Variants in MYT1L observed in about 807,000 individuals in gnomAD.
The protein encoded by MYT1L is myelin transcription factor 1-like protein.
A neutral mutation model predicts 126.7 loss-of-function variants in MYT1L; 12 were observed. That is an observed-to-expected ratio of 0.09 (90% CI 0.06 to 0.15). The LOEUF (loss-of-function observed/expected upper bound fraction) is 0.15, where lower values mean the gene tolerates loss of function less well. MYT1L is among the 10% of genes least tolerant of loss of function. The pLI, the probability that MYT1L is intolerant of heterozygous loss-of-function variation, is 1.00. For missense variants in MYT1L, 979 were observed against 1,585.2 expected, an observed-to-expected ratio of 0.62 and a Z score of 6.49; for synonymous variants, 541 against 604.2, an observed-to-expected ratio of 0.90 and a Z score of 1.53.
At chr2:2,320,940 A>T (rs1404525381) in intron 1 of MYT1L, among the ~76,000 whole-genome samples, 1 of 152,212 alleles carries the variant, frequency 6.6e-6, no homozygotes, top group African/African-American at 2.4e-5. Context: ...GACAACAAAC[A>T]GCTGGATGGA....
At chr2:2,073,026 CAGA>C (rs1574986636) in intron 3 of MYT1L, among the ~76,000 whole-genome samples, 1 of 152,150 alleles carries the variant, frequency 6.6e-6, no homozygotes, top group Non-Finnish European at 1.5e-5. Context: ...CTTCACACAA[CAGA>C]AGGAGGGAGG....
At chr2:1,879,164 CAAG>C (rs1285628475) in intron 18 of MYT1L, among the ~76,000 whole-genome samples, 1 of 152,158 alleles carries the variant, frequency 6.6e-6, no homozygotes, top group Non-Finnish European at 1.5e-5. Flanking sequence ...GCCTTTCACT[CAAG>C]AAAGCGCCTG....
At chr2:1,891,607 G>A (rs1014249723) in intron 15 of MYT1L, among the ~76,000 whole-genome samples, 3 of 152,172 alleles carry the variant, frequency 2.0e-5, no homozygotes, top group East Asian at 1.9e-4. Context: ...TGCTACCCAG[G>A]AGTCCATAGG....
At chr2:2,162,397 A>T (rs1365173838) in intron 3 of MYT1L, among the ~76,000 whole-genome samples, 1 of 151,758 alleles carries the variant, frequency 6.6e-6, no homozygotes, top group Non-Finnish European at 1.5e-5. Context: ...GTCCACAGAG[A>T]AGGAGGTCGG....
intron 3 of MYT1L, among the ~76,000 whole-genome samples, chr2:2,129,281 G>C (rs946120485): frequency 4.6e-5 from 7 of 152,140 alleles, no homozygotes; most frequent in Non-Finnish European, 8.8e-5. Flanking sequence ...AAAATTTGAA[G>C]ATCACTTGGA....
chr2:2,296,387 T>A (rs2095694219), intron 1 of MYT1L, among the ~76,000 whole-genome samples: 1 of 152,110 alleles, frequency 6.6e-6, no homozygotes, highest in Non-Finnish European at 1.5e-5. Flanking sequence ...AGAGAAAAAA[T>A]GTGATTCACA....
At chr2:2,280,403 T>G (rs1308951362) in intron 2 of MYT1L, among the ~76,000 whole-genome samples, 1 of 152,176 alleles carries the variant, frequency 6.6e-6, no homozygotes, top group African/African-American at 2.4e-5. Flanking sequence ...GTGAACCAAC[T>G]CCAAGAAACT....
intron 1 of MYT1L, among the ~76,000 whole-genome samples, chr2:2,322,286 G>T (rs1411395071): frequency 1.3e-5 from 2 of 151,748 alleles, no homozygotes; most frequent in Admixed American, 6.6e-5. Context: ...CCTACACAGG[G>T]TACTTAAGTC....
chr2:1,847,180 C>G (rs2042612193), intron 19 of MYT1L, among the ~76,000 whole-genome samples: 3 of 152,324 alleles, frequency 2.0e-5, no homozygotes. Flanking sequence ...AGCTGAGCAT[C>G]TCTGTGCCCG....
chr2:1,892,753 A>G (rs1168719732), intron 14 of MYT1L, among the ~76,000 whole-genome samples: 3 of 151,980 alleles, frequency 2.0e-5, no homozygotes, highest in Non-Finnish European at 4.4e-5. Context: ...TGGTGACCCA[A>G]CCTGGATCCG....
intron 3 of MYT1L, among the ~76,000 whole-genome samples, chr2:2,152,939 G>A (rs2086054101): frequency 6.6e-6 from 1 of 152,158 alleles, no homozygotes; most frequent in Admixed American, 6.5e-5. Flanking sequence ...TACTGAACAA[G>A]GGGAATAGAT....
chr2:2,276,638 C>T (rs977315616), intron 2 of MYT1L, among the ~76,000 whole-genome samples: 6 of 152,260 alleles, frequency 3.9e-5, no homozygotes, highest in Admixed American at 2.0e-4. Flanking sequence ...ATGGTGTTAG[C>T]AACCAAGCCA....
At chr2:2,313,977 T>C (rs1016692623) in intron 1 of MYT1L, among the ~76,000 whole-genome samples, 1 of 152,212 alleles carries the variant, frequency 6.6e-6, no homozygotes, top group African/African-American at 2.4e-5. Context: ...TATTTGGACA[T>C]AGTGATTTTC....
chr2:1,796,114 C>A (rs202198392), intron 23 of MYT1L, among the ~76,000 whole-genome samples: 1 of 152,208 alleles, frequency 6.6e-6, no homozygotes, highest in East Asian at 1.9e-4. Context: ...CACCACGTGA[C>A]GCTGTGTTGA....
At chr2:2,088,386 GAC>G (rs2076568708) in intron 3 of MYT1L, among the ~76,000 whole-genome samples, 1 of 152,192 alleles carries the variant, frequency 6.6e-6, no homozygotes, top group South Asian at 2.1e-4. Context: ...TATCTCAAGA[GAC>G]AGTGTTCTAT....
chr2:2,149,139 T>G (rs555889288), intron 3 of MYT1L, among the ~76,000 whole-genome samples: 12 of 152,336 alleles, frequency 7.9e-5, no homozygotes, highest in African/African-American at 2.6e-4. Context: ...TCTCTTTTGT[T>G]CTTTTTTCTC....
intron 8 of MYT1L, among the ~76,000 whole-genome samples, chr2:1,967,679 CTG>C (rs1454069216): frequency 2.0e-5 from 3 of 152,168 alleles, no homozygotes; most frequent in African/African-American, 4.8e-5. Flanking sequence ...TCAGGCCTGA[CTG>C]GAGCTGGAGG....
chr2:2,028,466 T>C (rs2065872499), intron 4 of MYT1L, among the ~76,000 whole-genome samples: 1 of 152,180 alleles, frequency 6.6e-6, no homozygotes, highest in Admixed American at 6.5e-5. Flanking sequence ...GCTAGGAATC[T>C]ATGTAGTGGC....
rs962951480 is a variant in MYT1L at position 2,130,208 on chromosome 2, C to T, written c.-304+42664G>A. ...GGACGGCAAGTCACAGAGGTAGCAG[C>T]ACGAGGAGCTGAGGTAATGCCCAGC... On this transcript the variant is annotated intron_variant, in intron 3 of 24. Coordinates refer to ENST00000647738, the MANE Select transcript of MYT1L (RefSeq NM_001303052.2). Among the ~76,000 whole-genome samples the T allele has an allele frequency of 2.0e-5, 3 of 151,932 alleles. No individual in the cohort carries two copies. The South Asian group carries it at 6.3e-4, about 32-fold the overall frequency.
Sources: gnomAD v4.1 joint callset for allele counts (sites outside exome capture counted in the v4.1 genomes callset) on GRCh38, gnomAD v4.1.1 for gene constraint, MANE v1.5 for transcripts, NCBI Gene and HGNC (gene_info 2026-07-23, HGNC 2026-07-21) for gene names.